The following ELFN2 variants were observed in gnomAD, a reference collection of about 807,000 sequenced individuals.
ELFN2 encodes protein phosphatase 1 regulatory subunit 29.
A neutral mutation model predicts 45.5 loss-of-function variants in ELFN2; 17 were observed. The ratio of observed to expected loss-of-function variants is 0.37; its 90% confidence interval spans 0.26 to 0.56. The LOEUF is 0.56. Among genes scored for constraint, ELFN2 ranks in the 20% least tolerant of loss-of-function variants. The pLI, the probability that ELFN2 is intolerant of heterozygous loss-of-function variation, is 0.77. For synonymous variants in ELFN2, 550 were observed against 551.5 expected (o/e 1.00, Z 0.04); for missense variants, 922 against 1,183.2 (o/e 0.78, Z 3.24).
rs184368409 is a variant in ELFN2 at position 37,348,514 on chromosome 22, C to T, written n.149-5811G>A. On this transcript the variant is annotated intron_variant and non_coding_transcript_variant, in intron 1 of 2. Transcript: ENST00000452946. ...AGGGGTGGCCTTCCTGGAGTGTCTC[C>T]GAGCTGGTCAGTCCCATGGCCTTGC... Among the ~76,000 whole-genome samples the T allele has an allele frequency of 1.3e-3, 203 of 150,764 alleles. 7 individuals carry two copies. The highest frequency in any genetic ancestry group is 5.5e-3 in the Admixed American group (83 of 15,182).
Position 37,380,039 on chromosome 22 carries a change from A to G in ELFN2, c.-462-4043T>C, listed in dbSNP as rs989482598. On this transcript the variant is annotated intron_variant, in intron 2 of 2. Coordinates refer to ENST00000402918, the MANE Select transcript of ELFN2 (RefSeq NM_052906.5). ...TTCACAACCCTCATCACCCAAGATC[A>G]GGGTTCCCCTGGACTCAGGCTTGCT... is the stretch of plus-strand genomic sequence containing the variant. Among the ~76,000 whole-genome samples, 2 of 152,206 alleles carry G rather than the reference A, an allele frequency of 1.3e-5. 1 individual carries two copies. The highest frequency in any genetic ancestry group is 4.1e-4 in the South Asian group (2 of 4,830).
At chr22:37,351,724 C>A (rs1930826067) in intron 1 of ELFN2, among the ~76,000 whole-genome samples, 1 of 150,886 alleles carries the variant, frequency 6.6e-6, no homozygotes, top group East Asian at 1.9e-4. Flanking sequence ...ACCTCCGAGC[C>A]CTTCCCGCTC....
At chr22:37,382,021 C>G (rs1472806721) in intron 2 of ELFN2, among the ~76,000 whole-genome samples, 1 of 147,212 alleles carries the variant, frequency 6.8e-6, no homozygotes, top group East Asian at 2.1e-4. Context: ...GAGAAGCCCC[C>G]CCTGTGATGG....
At chr22:37,404,292 C>T (rs571825643) in intron 2 of ELFN2, among the ~76,000 whole-genome samples, 12 of 152,162 alleles carry the variant, frequency 7.9e-5, no homozygotes, top group Admixed American at 3.3e-4. Context: ...GAGGCTGCAA[C>T]GAGACGGGCC....
intron 1 of ELFN2, among the ~76,000 whole-genome samples, chr22:37,422,073 C>T (rs9610751): frequency 0.7 from 106,703 of 152,098 alleles, 38,783 homozygotes; most frequent in African/African-American, 0.89. Context: ...GACCAGTGTA[C>T]ACAAACAGTC....
At chr22:37,408,152 T>A (rs1932555072) in intron 2 of ELFN2, among the ~76,000 whole-genome samples, 1 of 152,144 alleles carries the variant, frequency 6.6e-6, no homozygotes, top group Non-Finnish European at 1.5e-5. Context: ...GCCCACACAT[T>A]TATACATACA....
At chr22:37,359,166 G>C (rs1261591304) in intron 1 of ELFN2, among the ~76,000 whole-genome samples, 1 of 152,184 alleles carries the variant, frequency 6.6e-6, no homozygotes, top group Non-Finnish European at 1.5e-5. Flanking sequence ...CCTGGATTAA[G>C]GCCACCCGGC....
At chr22:37,391,199 G>T (rs992794470) in intron 2 of ELFN2, among the ~76,000 whole-genome samples, 2 of 152,250 alleles carry the variant, frequency 1.3e-5, no homozygotes, top group Non-Finnish European at 2.9e-5. Flanking sequence ...CTGCGTGGGG[G>T]CCATCCTCTG....
At chr22:37,358,285 C>T (rs988044752) in intron 1 of ELFN2, among the ~76,000 whole-genome samples, 7 of 152,178 alleles carry the variant, frequency 4.6e-5, no homozygotes, top group Non-Finnish European at 7.3e-5. Flanking sequence ...GTAGGAGTTC[C>T]GTGTTGATGG....
chr22:37,364,908 A>T (rs370574997), downstream of ELFN2, among the ~76,000 whole-genome samples: 187 of 152,306 alleles, frequency 1.2e-3, no homozygotes, highest in African/African-American at 4.3e-3. Context: ...CCTCAGCCTG[A>T]CCAGAGAGAC....
intron 1 of ELFN2, among the ~76,000 whole-genome samples, chr22:37,344,415 C>G (rs1930646698): frequency 6.6e-6 from 1 of 151,988 alleles, no homozygotes; most frequent in South Asian, 2.1e-4. Context: ...AAACCCCCAG[C>G]ATCGCCGGCT....
At chr22:37,412,916 T>C (rs1189070118) in intron 2 of ELFN2, among the ~76,000 whole-genome samples, 1 of 152,078 alleles carries the variant, frequency 6.6e-6, no homozygotes, top group Non-Finnish European at 1.5e-5. Context: ...CAGGCACCCC[T>C]AACCACGCTC....
chr22:37,404,706 C>T (rs1346783148), intron 2 of ELFN2, among the ~76,000 whole-genome samples: 2 of 152,142 alleles, frequency 1.3e-5, no homozygotes, highest in Non-Finnish European at 2.9e-5. Context: ...GGCTGACACC[C>T]AGGCTGGGAG....
At chr22:37,402,424 C>G (rs918711920) in intron 2 of ELFN2, among the ~76,000 whole-genome samples, 1 of 152,224 alleles carries the variant, frequency 6.6e-6, no homozygotes. Context: ...ACAGACCAGA[C>G]GTGCGCCTTG....
chr22:37,406,523 C>T lies in ELFN2; in HGVS notation c.-463+11246G>A, dbSNP rs375683808. ...TCCATGCCACCCCCCACTCCCACCGCCCCTGCAGCAAGCACACAGCCACGC... is the reference window on the plus strand; with the variant it reads ...TCCATGCCACCCCCCACTCCCACCGTCCCTGCAGCAAGCACACAGCCACGC... On this transcript the variant is annotated intron_variant, in intron 2 of 2. Coordinates refer to ENST00000402918, the MANE Select transcript of ELFN2 (RefSeq NM_052906.5). Among the ~76,000 whole-genome samples, 74 of 152,292 alleles carry T rather than the reference C, an allele frequency of 4.9e-4. No individual in the cohort carries two copies. In the East Asian group the frequency reaches 0.011, roughly 23 times the overall value.
chr22:37,343,765 T>TCCCTCCAGCCCTATCTAGC (rs1420625596), intron 1 of ELFN2, among the ~76,000 whole-genome samples: 4 of 117,002 alleles, frequency 3.4e-5, no homozygotes, highest in South Asian at 5.6e-4. Context: ...CCCACCTCAG[T>TCCCTCCAGCCCTATCTAGC]CCCTCCAGCC....
Position 37,374,333 on chromosome 22 carries a change from A to T in ELFN2, c.1202T>A (p.Ile401Asn). 6.2e-7 allele frequency: 1 copy of T among 1,613,956 alleles called. No individual in the cohort carries two copies. The highest frequency in any genetic ancestry group is 8.5e-7 in the Non-Finnish European group (1 of 1,180,012). ...AACCATGCCAAAGAGGCAGCCCAGG[A>T]TGGTCATGATGTAGTGGGTGGTGGT... Reference protein sequence around the residue: ...TSTTTHYIMTILGCLFGMVIV... With the variant: ...TSTTTHYIMTNLGCLFGMVIV... Residue 401 changes from isoleucine (I) to asparagine (N), a missense_variant, in exon 3 of 3, where the codon ATC becomes AAC. Ile to Asn is a moderately radical substitution (Grantham distance 149, BLOSUM62 -3). Around this residue, in one of 2 missense-constraint regions of ELFN2, gnomAD observed 564 missense variants for 642.8 expected, o/e 0.88. Transcript: ENST00000402918.
In ELFN2 at chr22:37,372,475, G is replaced by C. The variant is rs1931394280; in HGVS notation, c.*597C>G. The C allele has an allele frequency of 6.5e-6, 1 of 152,898 alleles. No homozygotes were observed. Among genetic ancestry groups the C allele is most frequent in the South Asian group, 2.1e-4 (1 of 4,848 alleles). 9.5% of individuals were successfully genotyped at this position (152,898 alleles called of 1,614,324 possible). ...TGCAGGGGGTTCCGGGACAGCACTG[G>C]GCTGGGAAGTTGGGGGACTTGAGGC... On this transcript the variant is annotated 3_prime_UTR_variant, in exon 3 of 3. Coordinates refer to ENST00000402918, the MANE Select transcript of ELFN2 (RefSeq NM_052906.5). This position sits in a 1 kb window ranked among gnomAD's most constrained non-coding sequence, Gnocchi z 4.4.
intron 2 of ELFN2, among the ~76,000 whole-genome samples, chr22:37,397,330 A>T (rs1404725335): frequency 6.6e-6 from 1 of 152,152 alleles, no homozygotes; most frequent in African/African-American, 2.4e-5. Context: ...AACACAAAAG[A>T]ACAACATAGG....
Sources: allele counts gnomAD v4.1 joint callset (sites outside exome capture counted in the v4.1 genomes callset), GRCh38; gene constraint gnomAD v4.1.1; regional missense constraint gnomAD v4.1.1; non-coding constraint Gnocchi (gnomAD v3.1); transcripts MANE v1.5; gene names NCBI Gene and HGNC (gene_info 2026-07-23, HGNC 2026-07-21).